CLVS1: variants seen among roughly 807,000 people sequenced by gnomAD.
The protein encoded by CLVS1 is clavesin-1.
Under a neutral mutation model 33.1 loss-of-function variants are expected in CLVS1, and 10 were observed. The observed-to-expected ratio is 0.30, with a 90% CI of 0.19 to 0.51. The LOEUF (loss-of-function observed/expected upper bound fraction) is 0.51. Ranked by LOEUF, CLVS1 falls within the 20% of genes least tolerant of loss-of-function variation. CLVS1 has a pLI of 0.97. For synonymous variants in CLVS1, 163 were observed against 166.1 expected, an observed-to-expected ratio of 0.98 and a Z score of 0.14; for missense variants, 343 against 433.4, an observed-to-expected ratio of 0.79 and a Z score of 1.85.
At chr8:61,234,521 A>G (rs948100695) in intron 2 of CLVS1, among the ~76,000 whole-genome samples, 49 of 152,166 alleles carry the variant, frequency 3.2e-4, no homozygotes, top group Non-Finnish European at 5.3e-4. Flanking sequence ...AGGGAGATCC[A>G]ATCAAGATGA....
At chr8:60,989,473 T>C in the CLVS1 span, among the ~76,000 whole-genome samples, 1 of 152,104 alleles carries the variant, frequency 6.6e-6, no homozygotes, top group East Asian at 1.9e-4. Context: ...GGAAACACAC[T>C]CCTTTCCACT....
chr8:61,160,858 G>GA (rs1010404803), intron 2 of CLVS1, among the ~76,000 whole-genome samples: 2 of 152,064 alleles, frequency 1.3e-5, no homozygotes, highest in African/African-American at 2.4e-5. Context: ...CCCAGTCTTA[G>GA]AAAAAATCCT....
At chr8:61,349,304 G>A (rs1012692352) in intron 2 of CLVS1, among the ~76,000 whole-genome samples, 3 of 151,926 alleles carry the variant, frequency 2.0e-5, no homozygotes, top group Non-Finnish European at 4.4e-5. Context: ...CTCATTTCAT[G>A]GAGCTTTTCC....
chr8:61,288,166 G>A (rs1002478310), intron 1 of CLVS1, 28 bp downstream of exon 1: 2 of 456,244 alleles, frequency 4.4e-6, no homozygotes, highest in East Asian at 6.9e-5. Context: ...TCTCCCCTCT[G>A]TATTTGCCGA....
chr8:61,419,906 C>T (rs1238351190), intron 3 of CLVS1, among the ~76,000 whole-genome samples: 1 of 152,224 alleles, frequency 6.6e-6, no homozygotes, highest in Non-Finnish European at 1.5e-5. Flanking sequence ...AATTTCCTAA[C>T]CCCTTGATAT....
At chr8:61,067,088 G>A (rs549353654) in intron 1 of CLVS1, among the ~76,000 whole-genome samples, 3 of 152,152 alleles carry the variant, frequency 2.0e-5, no homozygotes, top group Admixed American at 6.5e-5. Flanking sequence ...ACATTAACAC[G>A]TTGATCTGTG....
chr8:61,477,239 G>T (rs1221104909), intron 5 of CLVS1, among the ~76,000 whole-genome samples: 1 of 152,158 alleles, frequency 6.6e-6, no homozygotes, highest in Non-Finnish European at 1.5e-5. Context: ...GTTCATCAAG[G>T]ATATTGGTCT....
Position 61,288,073 on chromosome 8 carries a change from C to A in CLVS1, c.-217C>A, listed in dbSNP as rs1809833431. On this transcript the variant is annotated 5_prime_UTR_variant, in exon 1 of 6. Coordinates refer to ENST00000325897, the MANE Select transcript of CLVS1 (RefSeq NM_173519.3). ...TGCCAGAATAGGGGATCTCACCCAC[C>A]CAGTTCAGCAGCGAGGACACCTGCA... 1.1e-5 allele frequency: 5 copies of A among 455,880 alleles called. No individual in the cohort carries two copies. Among genetic ancestry groups the A allele is most frequent in the African/African-American group, 2.0e-5 (1 of 50,066 alleles). The allele number at this position is 455,880 out of a possible 1,614,324, so 28.2% of individuals were successfully genotyped here.
Position 61,458,417 on chromosome 8 carries a change from C to T in CLVS1, c.852C>T (p.Ala284=). ...CTCCTTATGACATGGGAACTTGGGC[C>T]CGGACGTTACTCGGTCCCGACTACA... ...TLPPYDMGTW[A]RTLLGPDYSD... The change falls in exon 5 of 6, where the codon GCC becomes GCT. Residue 284 remains alanine (A), a synonymous_variant. Coordinates refer to ENST00000325897, the MANE Select transcript of CLVS1 (RefSeq NM_173519.3). The T allele has an allele frequency of 6.2e-7, 1 of 1,614,036 alleles. No homozygotes were observed. Among genetic ancestry groups the T allele is most frequent in the South Asian group, 1.1e-5 (1 of 91,062 alleles).
chr8:61,354,501 AC>A (rs1412684011), intron 2 of CLVS1, among the ~76,000 whole-genome samples: 1 of 152,058 alleles, frequency 6.6e-6, no homozygotes, highest in Non-Finnish European at 1.5e-5. Context: ...ATAAATAAAA[AC>A]CTATATTCAC....
At chr8:61,162,216 A>G (rs1204617313) in intron 2 of CLVS1, among the ~76,000 whole-genome samples, 1 of 152,214 alleles carries the variant, frequency 6.6e-6, no homozygotes, top group Non-Finnish European at 1.5e-5. Context: ...TCCCCTATGA[A>G]GAAGATAGTT....
intron 1 of CLVS1, among the ~76,000 whole-genome samples, chr8:61,130,240 AAAAT>A (rs78418007): frequency 0.011 from 1,602 of 140,082 alleles, 11 homozygotes; most frequent in Non-Finnish European, 0.017. Flanking sequence ...TCTGTCTCAA[AAAAT>A]AAATAAATAA....
Position 61,308,729 on chromosome 8 carries a change from G to C in CLVS1, c.455+8447G>C, listed in dbSNP as rs551312036. Among the ~76,000 whole-genome samples the C allele has an allele frequency of 9.2e-5, 14 of 152,228 alleles. No individual in the cohort carries two copies. The East Asian group carries it at 2.7e-3, about 29-fold the overall frequency. ...ATATCAGCATCAATAACTACCAGTT[G>C]TTAGGTGCTTTTGTGCCAAGTGTTT... On this transcript the variant is annotated intron_variant, in intron 2 of 5. Transcript: ENST00000325897.
At chr8:61,170,548 T>G (rs776519512) in intron 2 of CLVS1, among the ~76,000 whole-genome samples, 47 of 152,186 alleles carry the variant, frequency 3.1e-4, no homozygotes, top group Non-Finnish European at 5.3e-4. Context: ...TGAGGCAACG[T>G]GGCCCTTAAA....
At chr8:61,181,312 C>A (rs1481181830) in intron 2 of CLVS1, among the ~76,000 whole-genome samples, 1 of 152,168 alleles carries the variant, frequency 6.6e-6, no homozygotes, top group African/African-American at 2.4e-5. Context: ...CTACAAACCA[C>A]TGCTCAAGGA....
intron 3 of CLVS1, among the ~76,000 whole-genome samples, chr8:61,395,158 A>G (rs1563533974): frequency 6.6e-6 from 1 of 152,256 alleles, no homozygotes; most frequent in Non-Finnish European, 1.5e-5. Flanking sequence ...ATTCATGACA[A>G]CATGGATGGA....
At chr8:61,285,732 G>C (rs532764442), upstream of CLVS1, among the ~76,000 whole-genome samples, 65 of 152,306 alleles carry the variant, frequency 4.3e-4, no homozygotes, top group African/African-American at 1.5e-3. Flanking sequence ...CTATCCACGT[G>C]AGGGTGCACT....
At chr8:61,435,690 AT>A (rs1205842682) in intron 3 of CLVS1, among the ~76,000 whole-genome samples, 1 of 152,036 alleles carries the variant, frequency 6.6e-6, no homozygotes, top group Non-Finnish European at 1.5e-5. Context: ...CAAAGTGTTT[AT>A]CATTTGCAAT....
chr8:61,089,455 C>T (rs1255190504), intron 1 of CLVS1, among the ~76,000 whole-genome samples: 1 of 152,168 alleles, frequency 6.6e-6, no homozygotes, highest in Non-Finnish European at 1.5e-5. Flanking sequence ...GCTGACCACA[C>T]ATGCTGGAGT....
Sources: gnomAD v4.1 joint callset for allele counts (sites outside exome capture counted in the v4.1 genomes callset) on GRCh38, gnomAD v4.1.1 for gene constraint, MANE v1.5 for transcripts, NCBI Gene and HGNC (gene_info 2026-07-23, HGNC 2026-07-21) for gene names.